The following CSMD3 variants were observed in gnomAD, a reference collection of about 807,000 sequenced individuals.
The protein encoded by CSMD3 is CUB and Sushi multiple domains 3, also known as CUB and sushi domain-containing protein 3.
In CSMD3, 177 loss-of-function variants were observed where a neutral mutation model predicts 435.2. That is an observed-to-expected ratio of 0.41 (90% CI 0.36 to 0.46). The LOEUF (loss-of-function observed/expected upper bound fraction) is 0.46, where lower values mean the gene tolerates loss of function less well. Ranked by LOEUF, CSMD3 falls within the 20% of genes least tolerant of loss-of-function variation. The pLI is 0.34. For missense variants in CSMD3, 4,265 were observed against 4,504.6 expected (o/e 0.95, Z 1.52); for synonymous variants, 1,656 against 1,520.5 (o/e 1.09, Z -2.07).
intron 38 of CSMD3, among the ~76,000 whole-genome samples, chr8:112,355,953 C>A (rs940626421): frequency 6.6e-6 from 1 of 152,146 alleles, no homozygotes; most frequent in South Asian, 2.1e-4. Flanking sequence ...CAGTAATCAC[C>A]AAAGAAATGC....
At chr8:113,062,657 T>C (rs1212211466) in intron 5 of CSMD3, among the ~76,000 whole-genome samples, 1 of 151,816 alleles carries the variant, frequency 6.6e-6, no homozygotes, top group Non-Finnish European at 1.5e-5. Flanking sequence ...AAATGAACCA[T>C]ATCATTAAAA....
In CSMD3 at chr8:112,405,298, T is replaced by G. The variant is rs948150193; in HGVS notation, c.5809+1226A>C. Among the ~76,000 whole-genome samples the G allele has an allele frequency of 2.9e-5, 4 of 137,364 alleles. No individual in the cohort carries two copies. In the Admixed American group the frequency reaches 3.0e-4, roughly 10 times the overall value. 90.1% of individuals were successfully genotyped at this position (137,364 alleles called of 152,430 possible). On this transcript the variant is annotated intron_variant, in intron 35 of 70. Coordinates refer to ENST00000297405, the MANE Select transcript of CSMD3 (RefSeq NM_198123.2). The stretch of plus-strand genomic sequence containing the variant: ...TTTAACATCACATACTAATATAACT[T>G]TAATGAGAAACAACTCAAGTCATTA...
intron 6 of CSMD3, among the ~76,000 whole-genome samples, chr8:112,984,473 A>G (rs2085173264): frequency 6.6e-6 from 1 of 152,100 alleles, no homozygotes; most frequent in Non-Finnish European, 1.5e-5. Flanking sequence ...CACAAATCAT[A>G]TATTTTAATG....
rs573473208 is a variant in CSMD3 at position 112,903,598 on chromosome 8, C to A, written c.1633+18029G>T. ...TGTTTTTTCAGAATTACCCCTGGAG[C>A]CTTTTTTTTAAGAAGAAAAAACTCT... is the stretch of plus-strand genomic sequence containing the variant. On this transcript the variant is annotated intron_variant, in intron 10 of 70. Coordinates refer to ENST00000297405, the MANE Select transcript of CSMD3 (RefSeq NM_198123.2). Among the ~76,000 whole-genome samples, 4 of 150,434 alleles carry A rather than the reference C, an allele frequency of 2.7e-5. No individual in the cohort carries two copies. In the South Asian group the frequency reaches 8.3e-4, roughly 31 times the overall value.
intron 13 of CSMD3, among the ~76,000 whole-genome samples, chr8:112,739,570 C>T (rs932919035): frequency 1.3e-5 from 2 of 151,632 alleles, no homozygotes; most frequent in South Asian, 2.1e-4. Flanking sequence ...ACCTATCAGA[C>T]CTCCAGGAAG....
At chr8:113,030,697 T>C (rs1420603937) in intron 5 of CSMD3, among the ~76,000 whole-genome samples, 3 of 151,122 alleles carry the variant, frequency 2.0e-5, no homozygotes, top group Non-Finnish European at 4.4e-5. Context: ...ACTTCTGCTA[T>C]GAAGAAGATA....
chr8:112,357,604 A>T (rs1246370072), intron 38 of CSMD3, among the ~76,000 whole-genome samples: 5 of 152,126 alleles, frequency 3.3e-5, no homozygotes, highest in Admixed American at 2.0e-4. Context: ...AGGAGGAAAA[A>T]GTGGTTTCAT....
chr8:112,351,140 T>C (rs750763234), intron 40 of CSMD3, 35 bp downstream of exon 40: 2 of 1,260,772 alleles, frequency 1.6e-6, no homozygotes, highest in Non-Finnish European at 2.3e-6. Flanking sequence ...ACACTTTAAG[T>C]TCTAGGGTAA....
At chr8:112,742,358 T>C (rs1033110930) in intron 13 of CSMD3, among the ~76,000 whole-genome samples, 2 of 151,960 alleles carry the variant, frequency 1.3e-5, no homozygotes, top group African/African-American at 4.8e-5. Flanking sequence ...AAAAAATCTT[T>C]GATAGGCTAT....
chr8:112,358,842 C>A (rs985580949), intron 38 of CSMD3, among the ~76,000 whole-genome samples: 3 of 151,962 alleles, frequency 2.0e-5, no homozygotes, highest in African/African-American at 7.3e-5. Context: ...TTATTCATAC[C>A]CCAAACCTCA....
intron 4 of CSMD3, among the ~76,000 whole-genome samples, chr8:113,117,658 C>T (rs1170484901): frequency 6.6e-6 from 1 of 152,206 alleles, no homozygotes; most frequent in East Asian, 1.9e-4. Flanking sequence ...GCACTCAACA[C>T]CAGCCTGTAA....
At chr8:112,545,501 A>AATAAT (rs1554609898) in intron 27 of CSMD3, among the ~76,000 whole-genome samples, 1 of 122,678 alleles carries the variant, frequency 8.2e-6, no homozygotes, top group Non-Finnish European at 1.6e-5. Context: ...AAAAAAAAAA[A>AATAAT]AATAATAATA....
chr8:112,413,088 T>TA (rs772709353), intron 32 of CSMD3, among the ~76,000 whole-genome samples: 9 of 152,172 alleles, frequency 5.9e-5, no homozygotes, highest in Non-Finnish European at 1.0e-4. Flanking sequence ...ACTTAGATTT[T>TA]AAAAAAATCA....
intron 1 of CSMD3, among the ~76,000 whole-genome samples, chr8:113,391,658 T>C (rs2094461616): frequency 6.6e-6 from 1 of 152,004 alleles, no homozygotes; most frequent in South Asian, 2.1e-4. Flanking sequence ...CTACTATGAA[T>C]GTCAGATGTG....
At chr8:112,717,234 C>T (rs1378967813) in intron 13 of CSMD3, among the ~76,000 whole-genome samples, 1 of 150,868 alleles carries the variant, frequency 6.6e-6, no homozygotes, top group Admixed American at 6.6e-5. Flanking sequence ...AAAAAAAAAA[C>T]AACCCCATAA....
intron 3 of CSMD3, among the ~76,000 whole-genome samples, chr8:113,197,535 A>C (rs533009493): frequency 1.1e-4 from 16 of 151,220 alleles, no homozygotes; most frequent in Non-Finnish European, 1.8e-4. Flanking sequence ...TTATATGTAT[A>C]TATTATTATT....
At chr8:112,552,764 T>C in intron 25 of CSMD3, 44 bp from the exon 26 acceptor site, 1 of 1,580,364 alleles carries the variant, frequency 6.3e-7, no homozygotes, top group Non-Finnish European at 8.7e-7. Flanking sequence ...TTAATGCCAA[T>C]CTTTTCAAAA....
At chr8:113,231,961 A>G (rs910344644) in intron 3 of CSMD3, among the ~76,000 whole-genome samples, 1 of 151,602 alleles carries the variant, frequency 6.6e-6, no homozygotes, top group Admixed American at 6.6e-5. Flanking sequence ...ATGAGTAAAA[A>G]TACAACACAG....
At chr8:112,862,410 A>G (rs1205754792) in intron 10 of CSMD3, among the ~76,000 whole-genome samples, 1 of 151,988 alleles carries the variant, frequency 6.6e-6, no homozygotes, top group Non-Finnish European at 1.5e-5. Flanking sequence ...ATTTAGCAGT[A>G]TGAACAGAAG....
Sources: allele counts gnomAD v4.1 joint callset (sites outside exome capture counted in the v4.1 genomes callset), GRCh38; gene constraint gnomAD v4.1.1; transcripts MANE v1.5; gene names NCBI Gene and HGNC (gene_info 2026-07-23, HGNC 2026-07-21).